The following ARHGAP42 variants were observed in gnomAD, a reference collection of about 807,000 sequenced individuals.
ARHGAP42 encodes rho GTPase-activating protein 42.
In ARHGAP42, 63 loss-of-function variants were observed where a neutral mutation model predicts 125.0. The observed-to-expected ratio is 0.50, with a 90% CI of 0.41 to 0.62. The LOEUF (loss-of-function observed/expected upper bound fraction) is 0.62, where lower values mean the gene tolerates loss of function less well. Ranked by LOEUF, ARHGAP42 falls within the 20% of genes least tolerant of loss-of-function variation. ARHGAP42 has a pLI of 0.00. For missense variants in ARHGAP42, 766 were observed against 1,024.2 expected, an observed-to-expected ratio of 0.75 and a Z score of 3.44; for synonymous variants, 339 against 351.0, an observed-to-expected ratio of 0.97 and a Z score of 0.38.
Position 100,989,033 on chromosome 11 carries a change from A to G in ARHGAP42, c.*232A>G. ...TTTTAAAATATCTTACTTGTGAAAA[A>G]TGTGTTTTTGGATAATATGTAACTC... On this transcript the variant is annotated 3_prime_UTR_variant, in exon 24 of 24. Coordinates refer to ENST00000298815, the MANE Select transcript of ARHGAP42 (RefSeq NM_152432.4). 1 of 501,460 alleles carries G rather than the reference A, an allele frequency of 2.0e-6. No homozygotes were observed. Among genetic ancestry groups the G allele is most frequent in the Non-Finnish European group, 3.6e-6 (1 of 279,872 alleles). 31.1% of individuals were successfully genotyped at this position (501,460 alleles called of 1,614,324 possible).
chr11:100,992,305 T>C lies in ARHGAP42; in HGVS notation c.*3504T>C. On this transcript the variant is annotated 3_prime_UTR_variant, in exon 24 of 24. Coordinates refer to ENST00000298815, the MANE Select transcript of ARHGAP42 (RefSeq NM_152432.4). ...TGATACATTTGTAACTCACAGCTGT[T>C]AGCATGACCTCACATCACTGCGTAG... The C allele has an allele frequency of 1.9e-6, 3 of 1,580,874 alleles. No individual in the cohort carries two copies. Among genetic ancestry groups the C allele is most frequent in the Non-Finnish European group, 2.6e-6 (3 of 1,166,886 alleles).
chr11:100,734,764 T>C (rs1484466107), intron 1 of ARHGAP42, among the ~76,000 whole-genome samples: 1 of 152,206 alleles, frequency 6.6e-6, no homozygotes, highest in Non-Finnish European at 1.5e-5. Context: ...TCTCATACTC[T>C]ACTTAACTCA....
intron 1 of ARHGAP42, among the ~76,000 whole-genome samples, chr11:100,706,543 T>C (rs76009303): frequency 1.3e-5 from 2 of 152,240 alleles, no homozygotes; most frequent in East Asian, 3.8e-4. Flanking sequence ...AGGGAATTGA[T>C]ATTTGTATTA....
intron 3 of ARHGAP42, among the ~76,000 whole-genome samples, chr11:100,830,788 A>G (rs190603163): frequency 4.3e-4 from 66 of 152,262 alleles, no homozygotes; most frequent in Admixed American, 4.3e-3. Context: ...TGGGAGATGG[A>G]GTACAGGTGA....
chr11:100,943,728 T>C (rs1458505880), intron 9 of ARHGAP42, 31 bp from the exon 10 acceptor site: 7 of 1,400,190 alleles, frequency 5.0e-6, no homozygotes, highest in Non-Finnish European at 6.9e-6. Context: ...CTTGTCAGCA[T>C]GTTAATACTG....
chr11:100,889,614 T>C (rs995325925), intron 4 of ARHGAP42, among the ~76,000 whole-genome samples: 1 of 152,222 alleles, frequency 6.6e-6, no homozygotes, highest in Non-Finnish European at 1.5e-5. Flanking sequence ...TTTCCCATCT[T>C]AGCACATTTA....
At chr11:100,977,929 T>A (rs1013464305) in intron 21 of ARHGAP42, among the ~76,000 whole-genome samples, 5 of 152,224 alleles carry the variant, frequency 3.3e-5, no homozygotes, top group Non-Finnish European at 7.3e-5. Flanking sequence ...ATAGGAACTG[T>A]GTCATAAATT....
chr11:100,777,005 G>C (rs1397725151), intron 2 of ARHGAP42, among the ~76,000 whole-genome samples: 2 of 147,544 alleles, frequency 1.4e-5, no homozygotes, highest in Non-Finnish European at 3.0e-5. Flanking sequence ...AAAAAAACAC[G>C]AAGAGCATGT....
At chr11:100,874,418 C>T (rs1164829754) in intron 4 of ARHGAP42, among the ~76,000 whole-genome samples, 2 of 152,202 alleles carry the variant, frequency 1.3e-5, no homozygotes, top group Non-Finnish European at 2.9e-5. Context: ...ATTTTGTTTA[C>T]TGTCAATGTC....
At chr11:100,886,338 G>GA (rs1028285810) in intron 4 of ARHGAP42, among the ~76,000 whole-genome samples, 4 of 151,942 alleles carry the variant, frequency 2.6e-5, no homozygotes, top group South Asian at 2.1e-4. Context: ...ATAAGTGTAT[G>GA]AAAAAAAATT....
intron 6 of ARHGAP42, among the ~76,000 whole-genome samples, chr11:100,926,960 G>A (rs74240266): frequency 0.046 from 7,012 of 152,140 alleles, 313 homozygotes; most frequent in East Asian, 0.25. Flanking sequence ...GTCCATTATA[G>A]TCTTTCTGTA....
At chr11:100,828,129 T>G (rs555692648) in intron 3 of ARHGAP42, among the ~76,000 whole-genome samples, 1 of 151,922 alleles carries the variant, frequency 6.6e-6, no homozygotes, top group African/African-American at 2.4e-5. Flanking sequence ...TGCCTTGCTT[T>G]GTTTGACACT....
At position 100,699,962 on chromosome 11, in the gene ARHGAP42, C is replaced by T. The variant is rs1223660296; in HGVS notation, c.154+12130C>T. 2.0e-5 allele frequency among the ~76,000 whole-genome samples: 3 copies of T among 152,130 alleles called. No homozygotes were observed. The East Asian group carries it at 5.8e-4, about 29-fold the overall frequency. On this transcript the variant is annotated intron_variant, in intron 1 of 23. Transcript: ENST00000298815. ...TGCCAGCCATCCAGGGTATTCTTGG[C>T]TTGTAGATGTATCACTCCAATCTCT...
chr11:100,805,945 G>T (rs1488531714), intron 3 of ARHGAP42, among the ~76,000 whole-genome samples: 1 of 152,146 alleles, frequency 6.6e-6, no homozygotes, highest in Non-Finnish European at 1.5e-5. Context: ...TTTATGACCA[G>T]CATCTTGTGC....
rs148346881 is a variant in ARHGAP42 at position 100,846,827 on chromosome 11, G to A, written c.313-12727G>A. 9.8e-4 allele frequency among the ~76,000 whole-genome samples: 149 copies of A among 152,246 alleles called. 1 individual carries two copies. Among genetic ancestry groups the A allele is most frequent in the African/African-American group, 3.1e-3 (129 of 41,548 alleles). ...AACTTGGCTGAGGTTTAAAAAATGAGTAAGAGGTGTTCAGATAGGGAACAA... is the reference window on the plus strand; with the variant it reads ...AACTTGGCTGAGGTTTAAAAAATGAATAAGAGGTGTTCAGATAGGGAACAA... On this transcript the variant is annotated intron_variant, in intron 3 of 23. Transcript: ENST00000298815.
intron 6 of ARHGAP42, among the ~76,000 whole-genome samples, chr11:100,932,475 T>A (rs1867612728): frequency 6.6e-6 from 1 of 152,158 alleles, no homozygotes; most frequent in African/African-American, 2.4e-5. Flanking sequence ...GGAGAGCCTG[T>A]CTTAATTTAT....
At chr11:100,795,949 A>C (rs1001108902) in intron 3 of ARHGAP42, among the ~76,000 whole-genome samples, 1 of 152,178 alleles carries the variant, frequency 6.6e-6, no homozygotes, top group African/African-American at 2.4e-5. Context: ...AACTGACCTC[A>C]CTGTCCACTT....
intron 4 of ARHGAP42, among the ~76,000 whole-genome samples, chr11:100,863,249 ACT>A (rs1865489286): frequency 2.0e-5 from 3 of 152,204 alleles, no homozygotes; most frequent in South Asian, 4.2e-4. Flanking sequence ...TACAAGTGAC[ACT>A]CTGCTGCTTT....
intron 2 of ARHGAP42, among the ~76,000 whole-genome samples, chr11:100,794,075 C>CAAAAAAAAAAAAAAA (rs869272420): frequency 1.6e-4 from 7 of 44,844 alleles, no homozygotes; most frequent in African/African-American, 3.5e-4. Context: ...GACCCTGTCT[C>CAAAAAAAAAAAAAAA]AAAAAAAAAA....
Sources: allele counts gnomAD v4.1 joint callset (sites outside exome capture counted in the v4.1 genomes callset), GRCh38; gene constraint gnomAD v4.1.1; transcripts MANE v1.5; gene names NCBI Gene and HGNC (gene_info 2026-07-23, HGNC 2026-07-21).